The following KLC1 variants were observed in gnomAD, a reference collection of about 807,000 sequenced individuals.
KLC1 encodes kinesin light chain 1.
In KLC1, 30 loss-of-function variants were observed where a neutral mutation model predicts 84.2. The observed-to-expected ratio is 0.36, with a 90% CI of 0.27 to 0.48. The LOEUF is 0.48. Ranked by LOEUF, KLC1 falls within the 20% of genes least tolerant of loss-of-function variation. The pLI, the probability that KLC1 is intolerant of heterozygous loss-of-function variation, is 0.99. For missense variants in KLC1, 499 were observed against 805.4 expected (o/e 0.62, Z 4.60); for synonymous variants, 289 against 293.3 (o/e 0.99, Z 0.15).
intron 5 of KLC1, 32 bp downstream of exon 5, chr14:103,662,959 A>G: frequency 6.9e-7 from 1 of 1,449,706 alleles, no homozygotes; most frequent in Non-Finnish European, 9.5e-7. Flanking sequence ...ACTGAATTTT[A>G]CCTAGAGACA....
At chr14:103,696,529 G>A (rs1181997648) in intron 15 of KLC1, 5 of 985,448 alleles carry the variant, frequency 5.1e-6, no homozygotes, top group Non-Finnish European at 3.6e-6. Flanking sequence ...TTTCTTGGAG[G>A]ATGTCATTAG....
intron 1 of KLC1, among the ~76,000 whole-genome samples, chr14:103,637,275 T>C (rs2077117843): frequency 6.6e-6 from 1 of 152,090 alleles, no homozygotes; most frequent in Non-Finnish European, 1.5e-5. Flanking sequence ...CTCACACCTA[T>C]AATCCCAGCA....
At chr14:103,654,017 C>G (rs2078662949) in intron 1 of KLC1, among the ~76,000 whole-genome samples, 1 of 152,206 alleles carries the variant, frequency 6.6e-6, no homozygotes, top group Non-Finnish European at 1.5e-5. Flanking sequence ...CTGTGCCATC[C>G]TCATCTGTGA....
chr14:103,654,442 C>A, intron 1 of KLC1, 122 bp from the exon 2 acceptor site: 2 of 699,928 alleles, frequency 2.9e-6, no homozygotes, highest in Non-Finnish European at 4.5e-6. Flanking sequence ...TCATAAATTA[C>A]AAATGTGCAT....
At position 103,700,680 on chromosome 14, in the gene KLC1, G is replaced by A. The variant is rs1450763984; in HGVS notation, c.1874G>A (p.Cys625Tyr). 6.2e-7 allele frequency: 1 copy of A among 1,607,636 alleles called. No individual in the cohort carries two copies. Among genetic ancestry groups the A allele is most frequent in the East Asian group, 2.3e-5 (1 of 44,354 alleles). ...GGCGTCTCTGGCCGAGCCTCTTTTT[G>A]TGGAAAACGACAGCAGCAGCAGTGG... ...FQGVSGRASF[C>Y]GKRQQQQWPG... The change falls in exon 16 of 17, where the codon TGT becomes TAT. Residue 625 changes from cysteine to tyrosine, a missense_variant. Physicochemically the swap from Cys to Tyr is radical, Grantham distance 194. Transcript: ENST00000334553.
rs536371192 is a variant in KLC1, at chr14:103,695,003, C to T, written c.1848+2578C>T. 8.3e-5 allele frequency: 82 copies of T among 985,276 alleles called. No individual in the cohort carries two copies. The Admixed American group carries it at 2.8e-3, about 34-fold the overall frequency. 61.0% of individuals were successfully genotyped at this position (985,276 alleles called of 1,614,324 possible). A position where few individuals can be genotyped will look rare whatever the true frequency, so the allele number is the denominator to read the frequency against. ...GAGCCAGCGTTGTCCCCGAGCTGCT[C>T]GCCTGTGGCCGTGGCTCCTTTTCTG... On this transcript the variant is annotated intron_variant, in intron 15 of 16. Coordinates refer to ENST00000334553, the MANE Select transcript of KLC1 (RefSeq NM_001394837.1).
At chr14:103,646,428 G>C (rs1446549858) in intron 1 of KLC1, among the ~76,000 whole-genome samples, 1 of 152,100 alleles carries the variant, frequency 6.6e-6, no homozygotes, top group African/African-American at 2.4e-5. Flanking sequence ...AGCCTCTCAA[G>C]TAGTTGGGAG....
intron 1 of KLC1, among the ~76,000 whole-genome samples, chr14:103,633,443 GTTAA>G (rs1180060322): frequency 6.6e-6 from 1 of 152,136 alleles, no homozygotes; most frequent in Non-Finnish European, 1.5e-5. Flanking sequence ...CTGGGATGAG[GTTAA>G]TTAGGAAGCC....
intron 15 of KLC1, chr14:103,697,883 G>A (rs1420754017): frequency 6.8e-6 from 1 of 147,168 alleles, no homozygotes; most frequent in East Asian, 2.0e-4. Flanking sequence ...TGCAGGACAG[G>A]GTCCTGCAGG....
At position 103,694,916 on chromosome 14, in the gene KLC1, G is replaced by T. The variant is rs2082334641; in HGVS notation, c.1848+2491G>T. ...CTGCTGTGTTTGTGAAAGCGCGTTT[G>T]TTTCCACAAGACAAGCTCCGTGTAG... On this transcript the variant is annotated intron_variant, in intron 15 of 16. Coordinates refer to ENST00000334553, the MANE Select transcript of KLC1 (RefSeq NM_001394837.1). The surrounding 1 kb of genome is among the most constrained non-coding windows in gnomAD (Gnocchi z 4.5). 12 of 985,464 alleles carry T rather than the reference G, an allele frequency of 1.2e-5. 1 individual carries two copies. The South Asian group carries it at 3.8e-4, about 31-fold the overall frequency. The allele number at this position is 985,464 out of a possible 1,614,324, so 61.0% of individuals were successfully genotyped here.
intron 7 of KLC1, among the ~76,000 whole-genome samples, chr14:103,672,612 A>T (rs1277704819): frequency 1.3e-5 from 2 of 152,166 alleles, no homozygotes; most frequent in East Asian, 3.8e-4. Flanking sequence ...GGAGAAGAGC[A>T]TCCTGGGCAA....
intron 13 of KLC1, among the ~76,000 whole-genome samples, chr14:103,680,061 G>A (rs535878329): frequency 1.6e-4 from 24 of 152,280 alleles, no homozygotes; most frequent in East Asian, 9.7e-4. Flanking sequence ...AGTCCTGAGC[G>A]TCCTGCATTT....
chr14:103,637,810 C>G (rs1341831525), intron 1 of KLC1, among the ~76,000 whole-genome samples: 1 of 152,068 alleles, frequency 6.6e-6, no homozygotes, highest in Non-Finnish European at 1.5e-5. Flanking sequence ...GTGATCGTCC[C>G]ACCTCAGCCC....
At chr14:103,644,163 C>T (rs1358151374) in intron 1 of KLC1, among the ~76,000 whole-genome samples, 5 of 131,524 alleles carry the variant, frequency 3.8e-5, no homozygotes, top group South Asian at 2.6e-4. Flanking sequence ...TGCAGTGAGC[C>T]GTGATTGCAC....
chr14:103,630,939 AT>A (rs1555416969), intron 1 of KLC1, among the ~76,000 whole-genome samples: 1 of 152,118 alleles, frequency 6.6e-6, no homozygotes, highest in Non-Finnish European at 1.5e-5. Context: ...CAGCCTTGGC[AT>A]TGTCTTAGAG....
At chr14:103,667,056 G>A (rs1338706160) in intron 5 of KLC1, among the ~76,000 whole-genome samples, 2 of 152,162 alleles carry the variant, frequency 1.3e-5, no homozygotes, top group African/African-American at 2.4e-5. Context: ...TGGGATTACA[G>A]GCGTGAGCCA....
chr14:103,663,021 ACT>A (rs2079416295), intron 5 of KLC1, 94 bp downstream of exon 5: 2 of 776,878 alleles, frequency 2.6e-6, no homozygotes, highest in East Asian at 6.0e-5. Context: ...ATCTGTATAA[ACT>A]ATTTTTCAAC....
chr14:103,675,932 A>C (rs575234024), intron 11 of KLC1, among the ~76,000 whole-genome samples, 176 bp downstream of exon 11: 1 of 152,218 alleles, frequency 6.6e-6, no homozygotes, highest in Non-Finnish European at 1.5e-5. Context: ...GATCACTTAC[A>C]TGTATAAAAC....
intron 13 of KLC1, among the ~76,000 whole-genome samples, chr14:103,681,524 A>G (rs551468115): frequency 6.6e-6 from 1 of 151,286 alleles, no homozygotes; most frequent in South Asian, 2.1e-4. Flanking sequence ...CAGTCACGCT[A>G]TCTCGGCTCA....
Sources: allele counts gnomAD v4.1 joint callset (sites outside exome capture counted in the v4.1 genomes callset), GRCh38; gene constraint gnomAD v4.1.1; non-coding constraint Gnocchi (gnomAD v3.1); transcripts MANE v1.5; gene names NCBI Gene and HGNC (gene_info 2026-07-23, HGNC 2026-07-21).